Variants in GULP1 observed in about 807,000 individuals in gnomAD.
GULP1 encodes GULP PTB domain containing engulfment adaptor 1.
Under a neutral mutation model 40.9 loss-of-function variants are expected in GULP1, and 19 were observed. The observed-to-expected ratio is 0.46, with a 90% CI of 0.32 to 0.68. GULP1 has a LOEUF of 0.68. GULP1 is among the 30% of genes least tolerant of loss of function. The pLI is 0.03. For synonymous variants in GULP1, 119 were observed against 117.6 expected (o/e 1.01, Z -0.08); for missense variants, 312 against 362.2 (o/e 0.86, Z 1.12).
chr2:188,377,702 A>G (rs2048471103), intron 1 of GULP1, among the ~76,000 whole-genome samples: 1 of 152,236 alleles, frequency 6.6e-6, no homozygotes, highest in South Asian at 2.1e-4. Flanking sequence ...ATAAAAATCG[A>G]GAATAGGAAA....
intron 1 of GULP1, among the ~76,000 whole-genome samples, chr2:188,296,497 T>C (rs1242795642): frequency 6.6e-6 from 1 of 152,100 alleles, no homozygotes; most frequent in African/African-American, 2.4e-5. Context: ...GGATAGTAAG[T>C]GTCAATTTTC....
intron 9 of GULP1, among the ~76,000 whole-genome samples, chr2:188,574,743 G>A (rs1309527328): frequency 6.6e-6 from 1 of 152,102 alleles, no homozygotes; most frequent in Admixed American, 6.6e-5. Context: ...CAAAGTTAAA[G>A]TTGAATTTCC....
chr2:188,520,467 T>C (rs561519180), intron 4 of GULP1, among the ~76,000 whole-genome samples: 11 of 150,840 alleles, frequency 7.3e-5, no homozygotes, highest in Admixed American at 2.0e-4. Flanking sequence ...GGGTTGAAAG[T>C]TGCAGTGAGC....
intron 4 of GULP1, among the ~76,000 whole-genome samples, chr2:188,484,063 A>G (rs1036195968): frequency 6.6e-6 from 1 of 152,082 alleles, no homozygotes; most frequent in Admixed American, 6.6e-5. Context: ...AGCTGGAATT[A>G]CAGGCATGTG....
chr2:188,390,088 G>A (rs1021420250), intron 2 of GULP1, among the ~76,000 whole-genome samples: 2 of 152,008 alleles, frequency 1.3e-5, no homozygotes, highest in African/African-American at 4.8e-5. Flanking sequence ...AAAAACATAC[G>A]CATGCAGGTG....
At chr2:188,406,415 A>C (rs1326674396) in intron 2 of GULP1, among the ~76,000 whole-genome samples, 1 of 152,216 alleles carries the variant, frequency 6.6e-6, no homozygotes, top group East Asian at 1.9e-4. Context: ...ACATGACTGT[A>C]ATTGTTTTAG....
chr2:188,572,416 T>C (rs1446752392), intron 9 of GULP1, among the ~76,000 whole-genome samples: 2 of 152,176 alleles, frequency 1.3e-5, no homozygotes, highest in African/African-American at 2.4e-5. Flanking sequence ...TTTATCTAAA[T>C]AAAATGCTTC....
chr2:188,557,773 G>T (rs1273255643), intron 7 of GULP1, among the ~76,000 whole-genome samples: 3 of 152,164 alleles, frequency 2.0e-5, no homozygotes, highest in Non-Finnish European at 4.4e-5. Context: ...TTGCAGCAAG[G>T]CTCGCTTCTT....
At chr2:188,395,520 C>T (rs1176223077) in intron 2 of GULP1, among the ~76,000 whole-genome samples, 4 of 152,170 alleles carry the variant, frequency 2.6e-5, no homozygotes, top group Admixed American at 2.6e-4. Flanking sequence ...GGCTGCCTGA[C>T]TGTTGGCATG....
At chr2:188,323,055 G>A (rs6434277) in intron 1 of GULP1, among the ~76,000 whole-genome samples, 23,014 of 151,790 alleles carry the variant, frequency 0.15, 1,896 homozygotes, top group African/African-American at 0.17. Context: ...TTACCTTTGC[G>A]TTTGCTGTCC....
At chr2:188,565,827 A>G (rs1375210103) in intron 7 of GULP1, among the ~76,000 whole-genome samples, 1 of 152,160 alleles carries the variant, frequency 6.6e-6, no homozygotes, top group Non-Finnish European at 1.5e-5. Flanking sequence ...TATTTGTAAC[A>G]TGAAATGCTA....
At chr2:188,455,671 A>G (rs924843151) in intron 2 of GULP1, among the ~76,000 whole-genome samples, 3 of 152,236 alleles carry the variant, frequency 2.0e-5, no homozygotes, top group African/African-American at 7.2e-5. Context: ...AATTGGTACC[A>G]GTAGAGTGGG....
intron 4 of GULP1, among the ~76,000 whole-genome samples, chr2:188,490,415 G>A (rs954662718): frequency 4.6e-5 from 7 of 152,194 alleles, no homozygotes; most frequent in African/African-American, 1.7e-4. Flanking sequence ...TCTGCCACTT[G>A]TATATGTTGT....
chr2:188,542,547 G>C (rs1297038818), intron 7 of GULP1, among the ~76,000 whole-genome samples: 1 of 151,946 alleles, frequency 6.6e-6, no homozygotes, highest in South Asian at 2.1e-4. Context: ...TAGTTCTCTA[G>C]AAAGGAAAGC....
intron 6 of GULP1, among the ~76,000 whole-genome samples, chr2:188,529,809 G>A (rs1284928131): frequency 6.6e-6 from 1 of 152,060 alleles, no homozygotes; most frequent in African/African-American, 2.4e-5. Context: ...ATTGGATTAG[G>A]AACCATACTC....
intron 4 of GULP1, among the ~76,000 whole-genome samples, chr2:188,494,500 A>G (rs922680320): frequency 6.6e-6 from 1 of 151,924 alleles, no homozygotes; most frequent in African/African-American, 2.4e-5. Context: ...CTGACTCTCA[A>G]TGTCTATATT....
At chr2:188,352,613 C>G (rs1281763706) in intron 1 of GULP1, among the ~76,000 whole-genome samples, 1 of 105,786 alleles carries the variant, frequency 9.5e-6, no homozygotes, top group Non-Finnish European at 1.8e-5. Flanking sequence ...CTCTCTCTCT[C>G]TCTCTCACAC....
At chr2:188,525,909 G>A (rs183779438) in intron 5 of GULP1, among the ~76,000 whole-genome samples, 12 of 152,034 alleles carry the variant, frequency 7.9e-5, no homozygotes, top group Middle Eastern at 6.8e-3. Flanking sequence ...TATAAACATC[G>A]CTCATTTCCC....
chr2:188,316,920 T>G (rs1404490273), intron 1 of GULP1, among the ~76,000 whole-genome samples: 2 of 152,136 alleles, frequency 1.3e-5, no homozygotes, highest in Non-Finnish European at 2.9e-5. Context: ...ATTCAAGATC[T>G]CATTTCCTTT....
Sources: gnomAD v4.1 joint callset for allele counts (sites outside exome capture counted in the v4.1 genomes callset) on GRCh38, gnomAD v4.1.1 for gene constraint, MANE v1.5 for transcripts, NCBI Gene and HGNC (gene_info 2026-07-23, HGNC 2026-07-21) for gene names.